METTL25: variants seen among roughly 807,000 people sequenced by gnomAD.
METTL25 encodes the protein methyltransferase like 25.
A neutral mutation model predicts 71.6 loss-of-function variants in METTL25; 64 were observed. The observed-to-expected ratio is 0.89, with a 90% confidence interval of 0.73 to 1.10. The LOEUF (loss-of-function observed/expected upper bound fraction) is 1.10, where lower values mean the gene tolerates loss of function less well. Among genes scored for constraint, METTL25 ranks in the 50% least tolerant of loss-of-function variants. METTL25 has a pLI of 0.00. For synonymous variants in METTL25, 287 were observed against 250.3 expected (o/e 1.15, Z -1.38); for missense variants, 807 against 707.0 (o/e 1.14, Z -1.60).
rs985524962 is a variant in METTL25, at chr12:82,411,165, C to T, written c.1279+8035C>T. On this transcript the variant is annotated intron_variant, in intron 5 of 11. Transcript: ENST00000248306. ...GAAGTCCTCAAAGATAATGGAAACA[C>T]TGAAGCTACTAAGGGTATTTGTGTA... is the stretch of plus-strand genomic sequence containing the variant. Among the ~76,000 whole-genome samples, 4 of 152,092 alleles carry T rather than the reference C, an allele frequency of 2.6e-5. No individual in the cohort carries two copies. In the East Asian group the frequency reaches 7.7e-4, roughly 29 times the overall value.
intron 9 of METTL25, among the ~76,000 whole-genome samples, chr12:82,469,885 T>C (rs1892468027): frequency 6.6e-6 from 1 of 152,176 alleles, no homozygotes; most frequent in South Asian, 2.1e-4. Context: ...GTCAATGGTA[T>C]TGGGTAGAGT....
At chr12:82,440,059 AT>A (rs1184150459) in intron 8 of METTL25, among the ~76,000 whole-genome samples, 1 of 151,850 alleles carries the variant, frequency 6.6e-6, no homozygotes, top group African/African-American at 2.4e-5. Flanking sequence ...CATGTCGGTA[AT>A]TGTTTTTTCT....
chr12:82,435,270 C>A (rs1032129066), intron 7 of METTL25, among the ~76,000 whole-genome samples: 4 of 150,992 alleles, frequency 2.6e-5, no homozygotes, highest in Non-Finnish European at 5.9e-5. Context: ...AGTTTTTGGA[C>A]CCTTTCATAA....
chr12:82,391,737 T>C (rs1036690379), intron 3 of METTL25, among the ~76,000 whole-genome samples: 1 of 151,534 alleles, frequency 6.6e-6, no homozygotes, highest in African/African-American at 2.4e-5. Flanking sequence ...TTTTTTTTTT[T>C]TTTGGATATA....
intron 3 of METTL25, among the ~76,000 whole-genome samples, chr12:82,390,166 ATTCTT>A (rs1885439674): frequency 6.6e-6 from 1 of 152,074 alleles, no homozygotes. Context: ...CACACATTTC[ATTCTT>A]TTCAGAGTGG....
At chr12:82,431,796 T>G (rs1360389708) in intron 6 of METTL25, among the ~76,000 whole-genome samples, 1 of 151,668 alleles carries the variant, frequency 6.6e-6, no homozygotes, top group East Asian at 1.9e-4. Flanking sequence ...TTACCAAATA[T>G]CATAGCTTAA....
chr12:82,438,322 A>G (rs1299065659), intron 7 of METTL25, among the ~76,000 whole-genome samples: 1 of 151,598 alleles, frequency 6.6e-6, no homozygotes, highest in Admixed American at 6.6e-5. Flanking sequence ...TTCCACCTCC[A>G]TTAAGACAAA....
intron 1 of METTL25, among the ~76,000 whole-genome samples, chr12:82,362,677 A>T (rs1425433248): frequency 6.6e-6 from 1 of 152,200 alleles, no homozygotes; most frequent in Non-Finnish European, 1.5e-5. Flanking sequence ...TGGTGATGTG[A>T]TACCGTGTGA....
chr12:82,459,215 G>A (rs1668609863), intron 9 of METTL25, among the ~76,000 whole-genome samples: 1 of 152,206 alleles, frequency 6.6e-6, no homozygotes, highest in South Asian at 2.1e-4. Flanking sequence ...ACAATAATGA[G>A]TAATATACTA....
At chr12:82,427,002 G>A (rs918463456) in intron 5 of METTL25, among the ~76,000 whole-genome samples, 5 of 151,850 alleles carry the variant, frequency 3.3e-5, no homozygotes, top group African/African-American at 4.8e-5. Context: ...CTCACAGCTC[G>A]TTTCTTATTC....
chr12:82,439,853 G>T (rs1890192206), intron 8 of METTL25: 1 of 884,438 alleles, frequency 1.1e-6, no homozygotes, highest in African/African-American at 2.8e-5. Flanking sequence ...AAAGACCTCA[G>T]ATCTGTTCAT....
At position 82,403,039 on chromosome 12, in the gene METTL25, A is replaced by T; in HGVS notation, c.1188A>T (p.Arg396=). Residue 396 remains arginine, a synonymous_variant, in exon 5 of 12, where the codon CGA becomes CGT. Coordinates refer to ENST00000248306, the MANE Select transcript of METTL25 (RefSeq NM_032230.3). ...TCGDLAPNTL[R]IFTSNSEIKG... The stretch of plus-strand genomic sequence containing the variant: ...GTGATCTGGCTCCAAATACTTTGCG[A>T]ATATTTACCTCCAACTCTGAAATCA... 1 of 1,613,410 alleles carries T rather than the reference A, an allele frequency of 6.2e-7. No individual in the cohort carries two copies. Among genetic ancestry groups the T allele is most frequent in the South Asian group, 1.1e-5 (1 of 91,056 alleles).
chr12:82,449,874 A>G (rs41535250), intron 8 of METTL25, among the ~76,000 whole-genome samples: 5,214 of 152,182 alleles, frequency 0.034, 98 homozygotes, highest in Admixed American at 0.041. Context: ...ATTCCTTGAA[A>G]GTGCTGCCAA....
chr12:82,466,144 G>A (rs1449097522), intron 9 of METTL25, among the ~76,000 whole-genome samples: 1 of 151,194 alleles, frequency 6.6e-6, no homozygotes, highest in East Asian at 1.9e-4. Context: ...GATTTGGCTT[G>A]TTCTTGCCTT....
At chr12:82,395,049 A>G (rs995639689) in intron 3 of METTL25, among the ~76,000 whole-genome samples, 9 of 151,846 alleles carry the variant, frequency 5.9e-5, no homozygotes, top group Non-Finnish European at 1.2e-4. Context: ...TCATTGTGAT[A>G]ATTTGGGGTT....
chr12:82,432,863 T>TAAA (rs11358515), intron 6 of METTL25, among the ~76,000 whole-genome samples: 1 of 130,262 alleles, frequency 7.7e-6, no homozygotes, highest in Admixed American at 7.8e-5. Context: ...TGGTCTTCTT[T>TAAA]AAAAAAAAAA....
chr12:82,371,969 C>T (rs1014272055), intron 1 of METTL25, among the ~76,000 whole-genome samples: 13 of 152,178 alleles, frequency 8.5e-5, no homozygotes, highest in South Asian at 2.1e-4. Flanking sequence ...ATACTGGGGA[C>T]GGCTTGCTGA....
chr12:82,457,171 A>G (rs985785198), intron 9 of METTL25, among the ~76,000 whole-genome samples: 2 of 152,036 alleles, frequency 1.3e-5, no homozygotes, highest in African/African-American at 4.8e-5. Flanking sequence ...TACAGCTTAT[A>G]TAACTAAAAT....
rs563941449 is a variant in METTL25 at position 82,416,620 on chromosome 12, T to G, written c.1279+13490T>G. 1.1e-4 allele frequency among the ~76,000 whole-genome samples: 16 copies of G among 151,736 alleles called. No individual in the cohort carries two copies. The East Asian group carries it at 2.3e-3, about 22-fold the overall frequency. On this transcript the variant is annotated intron_variant, in intron 5 of 11. Transcript: ENST00000248306. Reference sequence around the variant, plus strand: ...CACACCTGGTCAATTTTTGCTTTTTTGTTTTGTTTTGTTTTGTTTTGTTTT... The same window carrying G: ...CACACCTGGTCAATTTTTGCTTTTTGGTTTTGTTTTGTTTTGTTTTGTTTT...
Sources: allele counts gnomAD v4.1 joint callset (sites outside exome capture counted in the v4.1 genomes callset), GRCh38; gene constraint gnomAD v4.1.1; transcripts MANE v1.5; gene names NCBI Gene and HGNC (gene_info 2026-07-23, HGNC 2026-07-21).